The following ATXN10 variants were observed in gnomAD, a reference collection of about 807,000 sequenced individuals.
ATXN10 encodes the protein ataxin-10.
A neutral mutation model predicts 52.9 loss-of-function variants in ATXN10; 28 were observed. The observed-to-expected ratio is 0.53, with a 90% CI of 0.39 to 0.73. ATXN10 has a LOEUF of 0.73. ATXN10 is among the 30% of genes least tolerant of loss of function. The pLI, the probability that ATXN10 is intolerant of heterozygous loss-of-function variation, is 0.00. For missense variants in ATXN10, 565 were observed against 577.0 expected, an observed-to-expected ratio of 0.98 and a Z score of 0.21; for synonymous variants, 226 against 221.5, an observed-to-expected ratio of 1.02 and a Z score of -0.18.
At position 45,750,950 on chromosome 22, in the gene ATXN10, A is replaced by C. The variant is rs192596484; in HGVS notation, c.1173+10412A>C. Among the ~76,000 whole-genome samples, 13,688 of 146,080 alleles carry C rather than the reference A, an allele frequency of 0.094. 797 individuals are homozygous for C. The highest frequency in any genetic ancestry group is 0.16 in the Middle Eastern group (47 of 288). On this transcript the variant is annotated intron_variant, in intron 9 of 11. Transcript: ENST00000252934. The surrounding 1 kb of genome is among the most constrained non-coding windows in gnomAD (Gnocchi z 4.2). ...TCTTCTACTTTCCTGTTTTTTTTTG[A>C]GACAGAGTCTTGCTTTGTTGCCCAG...
At chr22:45,749,821 C>T (rs1260289532) in intron 9 of ATXN10, among the ~76,000 whole-genome samples, 1 of 152,126 alleles carries the variant, frequency 6.6e-6, no homozygotes, top group Admixed American at 6.5e-5. Context: ...CTTCCTTGAC[C>T]TCCCAAAGTG....
Position 45,786,838 on chromosome 22 carries a change from G to A in ATXN10, c.1174-20121G>A, listed in dbSNP as rs1927338255. On this transcript the variant is annotated intron_variant, in intron 9 of 11. Coordinates refer to ENST00000252934, the MANE Select transcript of ATXN10 (RefSeq NM_013236.4). The surrounding 1 kb of genome is among the most constrained non-coding windows in gnomAD (Gnocchi z 4.1). Reference sequence around the variant, plus strand: ...TGGTATGAATTGGGAGAACCCTCCTGGGAGGCATTTTAACAGTATGTCTCA... The same window carrying A: ...TGGTATGAATTGGGAGAACCCTCCTAGGAGGCATTTTAACAGTATGTCTCA... Among the ~76,000 whole-genome samples, 1 of 152,164 alleles carries A rather than the reference G, an allele frequency of 6.6e-6. No individual in the cohort carries two copies. Among genetic ancestry groups the A allele is most frequent in the Admixed American group, 6.5e-5 (1 of 15,278 alleles).
At chr22:45,700,549 T>C (rs906960326) in intron 4 of ATXN10, among the ~76,000 whole-genome samples, 171 bp downstream of exon 4, 2 of 152,196 alleles carry the variant, frequency 1.3e-5, no homozygotes, top group African/African-American at 4.8e-5. Context: ...GGGAAACACC[T>C]GGGTCCTGGA....
chr22:45,738,816 C>T lies in ATXN10; in HGVS notation c.980C>T (p.Pro327Leu), dbSNP rs1925401277. 1.2e-6 allele frequency: 2 copies of T among 1,614,068 alleles called. No homozygotes were observed. The highest frequency in any genetic ancestry group is 1.7e-6 in the Non-Finnish European group (2 of 1,179,946). The change falls in exon 8 of 12, where the codon CCT (proline) becomes CTT (leucine). Residue 327 changes from proline to leucine, a missense_variant. Transcript: ENST00000252934. Reference sequence around the variant, plus strand: ...CTGCTCGGCTATCTGCAGGTTTTCCCTGGCTTGCTGGAAAGAGTGATTGGT... The same window carrying T: ...CTGCTCGGCTATCTGCAGGTTTTCCTTGGCTTGCTGGAAAGAGTGATTGGT... ...TELLGYLQVF[P>L]GLLERVIDLL... is the part of the protein sequence containing the mutation.
chr22:45,700,152 C>T (rs191862434), intron 3 of ATXN10, 130 bp from the exon 4 acceptor site: 9 of 714,440 alleles, frequency 1.3e-5, no homozygotes, highest in East Asian at 5.8e-5. Flanking sequence ...CTTGTGGAGA[C>T]AGACTTTAAT....
chr22:45,690,155 A>T lies in ATXN10; in HGVS notation c.308+252A>T, dbSNP rs527368256. Among the ~76,000 whole-genome samples the T allele has an allele frequency of 8.5e-5, 13 of 152,224 alleles. No individual in the cohort carries two copies. The South Asian group carries it at 2.7e-3, about 32-fold the overall frequency. On this transcript the variant is annotated intron_variant, in intron 2 of 11. Transcript: ENST00000252934. The surrounding 1 kb of genome is among the most constrained non-coding windows in gnomAD (Gnocchi z 4.5). ...GCTGGACATGGTGGCGCACACCTGT[A>T]GTCCCAACTGCTCAGGAGACTGAGG...
Position 45,826,801 on chromosome 22 carries a change from A to G in ATXN10, c.1238-16190A>G, listed in dbSNP as rs1928829616. Among the ~76,000 whole-genome samples the G allele has an allele frequency of 6.6e-6, 1 of 152,230 alleles. No individual in the cohort carries two copies. The highest frequency in any genetic ancestry group is 1.5e-5 in the Non-Finnish European group (1 of 68,034). Reference sequence around the variant, plus strand: ...GAAATGCTCAAGGTAATCCTGCAGGATGAAATGAGAAGACAACAGACAGTA... The same window carrying G: ...GAAATGCTCAAGGTAATCCTGCAGGGTGAAATGAGAAGACAACAGACAGTA... On this transcript the variant is annotated intron_variant, in intron 10 of 11. Coordinates refer to ENST00000252934, the MANE Select transcript of ATXN10 (RefSeq NM_013236.4). This position sits in a 1 kb window ranked among gnomAD's most constrained non-coding sequence, Gnocchi z 5.0.
At chr22:45,827,755 G>A (rs991051962) in intron 10 of ATXN10, among the ~76,000 whole-genome samples, 4 of 152,112 alleles carry the variant, frequency 2.6e-5, no homozygotes, top group African/African-American at 9.7e-5. Flanking sequence ...AGGAAACAGA[G>A]GACTTAATAA....
chr22:45,689,754 C>A lies in ATXN10; in HGVS notation c.159C>A (p.Ile53=). 6.2e-7 allele frequency: 1 copy of A among 1,614,080 alleles called. No individual in the cohort carries two copies. Among genetic ancestry groups the A allele is most frequent in the South Asian group, 1.1e-5 (1 of 91,080 alleles). The part of the protein sequence containing the change: ...PRTIFQRVLD[I]LKKSSHAVEL... Reference sequence around the variant, plus strand: ...CTATCTTCCAAAGAGTTCTGGATATCCTAAAGAAATCTTCTCATGCTGTTG... The same window carrying A: ...CTATCTTCCAAAGAGTTCTGGATATACTAAAGAAATCTTCTCATGCTGTTG... Residue 53 remains isoleucine (I), a synonymous_variant, in exon 2 of 12, where the codon ATC becomes ATA. Transcript: ENST00000252934.
Position 45,844,513 on chromosome 22 carries a change from T to C in ATXN10, c.*842T>C, listed in dbSNP as rs939145695. 2.0e-5 allele frequency: 3 copies of C among 152,250 alleles called. No homozygotes were observed. Among genetic ancestry groups the C allele is most frequent in the African/African-American group, 7.2e-5 (3 of 41,456 alleles). 9.4% of individuals were successfully genotyped at this position (152,250 alleles called of 1,614,324 possible). Reference sequence around the variant, plus strand: ...AAGGTGCCACTCAGTTTTAGCCATGTCTTCACTGAAATTGCAAAAGTACTT... The same window carrying C: ...AAGGTGCCACTCAGTTTTAGCCATGCCTTCACTGAAATTGCAAAAGTACTT... On this transcript the variant is annotated 3_prime_UTR_variant, in exon 12 of 12. Transcript: ENST00000252934.
At chr22:45,734,869 A>ATATTATTACTATTAT (rs1555891205) in intron 7 of ATXN10, among the ~76,000 whole-genome samples, 51 of 142,372 alleles carry the variant, frequency 3.6e-4, no homozygotes, top group African/African-American at 1.2e-3. Context: ...GAAATGGGTT[A>ATATTATTACTATTAT]TATTATTATT....
At chr22:45,827,275 T>C (rs1886146837) in intron 10 of ATXN10, among the ~76,000 whole-genome samples, 1 of 151,978 alleles carries the variant, frequency 6.6e-6, no homozygotes, top group African/African-American at 2.4e-5. Context: ...ATAAGACATA[T>C]GGGAAACAAA....
rs919036210 is a variant in ATXN10, at chr22:45,844,732, A to G, written c.*1061A>G. ...TTAAAACATATTATTTTCTTCAACA[A>G]CCATATCGCTAAACTAATATATCCA... On this transcript the variant is annotated 3_prime_UTR_variant, in exon 12 of 12. Transcript: ENST00000252934. The G allele has an allele frequency of 1.3e-5, 2 of 152,176 alleles. No homozygotes were observed. Among genetic ancestry groups the G allele is most frequent in the Admixed American group, 6.5e-5 (1 of 15,276 alleles). The allele number at this position is 152,176 out of a possible 1,614,324, so 9.4% of individuals were successfully genotyped here.
intron 10 of ATXN10, among the ~76,000 whole-genome samples, chr22:45,810,854 T>C (rs73889627): frequency 0.023 from 3,553 of 152,326 alleles, 97 homozygotes; most frequent in African/African-American, 0.061. Context: ...CTAGTATAAA[T>C]GCATTGTGAT....
chr22:45,700,221 T>C, intron 3 of ATXN10, 61 bp from the exon 4 acceptor site: 1 of 1,131,100 alleles, frequency 8.8e-7, no homozygotes, highest in East Asian at 2.6e-5. Context: ...TTTCTTAAGA[T>C]GCATTTATTT....
intron 9 of ATXN10, among the ~76,000 whole-genome samples, chr22:45,794,920 T>A (rs1259412274): frequency 2.0e-5 from 3 of 152,234 alleles, no homozygotes; most frequent in Non-Finnish European, 4.4e-5. Flanking sequence ...TCACTTTTAA[T>A]TTTCTTTGAA....
intron 10 of ATXN10, among the ~76,000 whole-genome samples, chr22:45,810,955 CTA>C (rs1479368219): frequency 3.3e-5 from 5 of 152,068 alleles, no homozygotes; most frequent in Non-Finnish European, 7.4e-5. Context: ...TGCAAATATT[CTA>C]TGTGAGCATG....
intron 5 of ATXN10, among the ~76,000 whole-genome samples, chr22:45,713,926 G>A (rs1434646936): frequency 6.6e-6 from 1 of 152,046 alleles, no homozygotes; most frequent in Non-Finnish European, 1.5e-5. Flanking sequence ...GTTTTTTCAC[G>A]ACTAGAAGCT....
In ATXN10 at chr22:45,718,901, C is replaced by G. The variant is rs1924547521; in HGVS notation, c.728+408C>G. Among the ~76,000 whole-genome samples the G allele has an allele frequency of 6.6e-6, 1 of 152,114 alleles. No homozygotes were observed. The highest frequency in any genetic ancestry group is 1.5e-5 in the Non-Finnish European group (1 of 68,022). ...GTAGGTTTCTAATGGATAATTTGGA[C>G]TAAAATAAAATTGACGCCCGTCCAC... On this transcript the variant is annotated intron_variant, in intron 6 of 11. Coordinates refer to ENST00000252934, the MANE Select transcript of ATXN10 (RefSeq NM_013236.4). This position sits in a 1 kb window ranked among gnomAD's most constrained non-coding sequence, Gnocchi z 4.4.
Sources: allele counts gnomAD v4.1 joint callset (sites outside exome capture counted in the v4.1 genomes callset), GRCh38; gene constraint gnomAD v4.1.1; non-coding constraint Gnocchi (gnomAD v3.1); transcripts MANE v1.5; gene names NCBI Gene and HGNC (gene_info 2026-07-23, HGNC 2026-07-21).